The following SMYD3 variants were observed in gnomAD, a reference collection of about 807,000 sequenced individuals.
The protein encoded by SMYD3 is SET and MYND domain containing 3.
A neutral mutation model predicts 57.7 loss-of-function variants in SMYD3; 36 were observed. The observed-to-expected ratio is 0.62, with a 90% confidence interval of 0.48 to 0.82. The LOEUF is 0.82. Among genes scored for constraint, SMYD3 ranks in the 40% least tolerant of loss-of-function variants. SMYD3 has a pLI of 0.00. For missense variants in SMYD3, 515 were observed against 538.8 expected (o/e 0.96, Z 0.44); for synonymous variants, 211 against 195.0 (o/e 1.08, Z -0.68).
intron 5 of SMYD3, among the ~76,000 whole-genome samples, chr1:246,278,914 G>C (rs1348002284): frequency 5.3e-5 from 8 of 152,010 alleles, no homozygotes; most frequent in Admixed American, 5.2e-4. Flanking sequence ...CAGAACACAA[G>C]CGCTAGGCAG....
Position 246,370,780 on chromosome 1 carries a change from C to A in SMYD3, c.165-15686G>T, listed in dbSNP as rs530391852. 1.8e-4 allele frequency among the ~76,000 whole-genome samples: 28 copies of A among 152,340 alleles called. No homozygotes were observed. In the South Asian group the frequency reaches 5.8e-3, roughly 32 times the overall value. On this transcript the variant is annotated intron_variant, in intron 1 of 11. Coordinates refer to ENST00000490107, the MANE Select transcript of SMYD3 (RefSeq NM_001167740.2). ...CTACGTGTGTCACAAATGTCGTCATCTCCACACAGGTACACAGACCATTTA... is the reference window on the plus strand; with the variant it reads ...CTACGTGTGTCACAAATGTCGTCATATCCACACAGGTACACAGACCATTTA...
intron 5 of SMYD3, among the ~76,000 whole-genome samples, chr1:245,939,124 C>G (rs1304837712): frequency 6.7e-6 from 1 of 149,604 alleles, no homozygotes; most frequent in Non-Finnish European, 1.5e-5. Context: ...GCCTCGGCGA[C>G]AGAGCGAGAC....
At chr1:245,766,401 A>T (rs1050391919) in intron 10 of SMYD3, among the ~76,000 whole-genome samples, 1 of 32,024 alleles carries the variant, frequency 3.1e-5, no homozygotes, top group Non-Finnish European at 4.2e-5. Flanking sequence ...ACTCTGTCTT[A>T]AAAAAAAAAA....
intron 5 of SMYD3, among the ~76,000 whole-genome samples, chr1:246,149,117 G>C (rs2061902385): frequency 6.6e-6 from 1 of 152,212 alleles, no homozygotes; most frequent in African/African-American, 2.4e-5. Context: ...GGTCAGTAGA[G>C]ATGAAAAATA....
At chr1:246,033,821 A>C (rs987213124) in intron 5 of SMYD3, among the ~76,000 whole-genome samples, 1 of 152,062 alleles carries the variant, frequency 6.6e-6, no homozygotes, top group Non-Finnish European at 1.5e-5. Flanking sequence ...AAATAAATTA[A>C]AAATTTTTTT....
rs773707696 is a variant in SMYD3, at chr1:246,392,856, T to TA, written c.165-37763dup. The stretch of plus-strand genomic sequence containing the variant: ...AAAGAAACATTTCACTAAAAGAAGA[T>TA]ACACAAATAGTCAATAAGCATATAG... On this transcript the variant is annotated intron_variant, in intron 1 of 11. Coordinates refer to ENST00000490107, the MANE Select transcript of SMYD3 (RefSeq NM_001167740.2). Among the ~76,000 whole-genome samples the TA allele has an allele frequency of 1.5e-3, 227 of 146,854 alleles. 1 individual carries two copies. Among genetic ancestry groups the TA allele is most frequent in the Non-Finnish European group, 2.9e-3 (195 of 66,496 alleles).
At chr1:246,301,330 G>A (rs2064889021) in intron 5 of SMYD3, among the ~76,000 whole-genome samples, 1 of 152,098 alleles carries the variant, frequency 6.6e-6, no homozygotes, top group African/African-American at 2.4e-5. Flanking sequence ...TTCTCGTGCA[G>A]GAGCCAAGAC....
rs529219252 is a variant in SMYD3 at position 245,968,061 on chromosome 1, A to AT, written c.532-38125_532-38124insA. Among the ~76,000 whole-genome samples the AT allele has an allele frequency of 6.6e-5, 10 of 152,308 alleles. No homozygotes were observed. In the East Asian group the frequency reaches 1.9e-3, roughly 29 times the overall value. On this transcript the variant is annotated intron_variant, in intron 5 of 11. Coordinates refer to ENST00000490107, the MANE Select transcript of SMYD3 (RefSeq NM_001167740.2). The stretch of plus-strand genomic sequence containing the variant: ...TGGGAAAGTTACTGTTCCCTGAACG[A>AT]AATACATGAAAATCCAGATTTCTCT...
chr1:246,093,205 T>C (rs565608018), intron 5 of SMYD3, among the ~76,000 whole-genome samples: 4 of 152,328 alleles, frequency 2.6e-5, no homozygotes, highest in Admixed American at 6.5e-5. Flanking sequence ...GAAAACATTA[T>C]GAATGTTCAG....
chr1:245,955,875 G>C lies in SMYD3; in HGVS notation c.532-25938C>G, dbSNP rs563728313. On this transcript the variant is annotated intron_variant, in intron 5 of 11. Coordinates refer to ENST00000490107, the MANE Select transcript of SMYD3 (RefSeq NM_001167740.2). Reference sequence around the variant, plus strand: ...ATTGATGATTTTGCAATTTGTTTTGGGTTTTTTTTTTTTTTGGCTCAACAT... The same window carrying C: ...ATTGATGATTTTGCAATTTGTTTTGCGTTTTTTTTTTTTTTGGCTCAACAT... The C allele has an allele frequency of 8.1e-5, 68 of 844,474 alleles. No individual in the cohort carries two copies. In the East Asian group the frequency reaches 6.1e-3, roughly 76 times the overall value. 52.3% of individuals were successfully genotyped at this position (844,474 alleles called of 1,614,324 possible).
At chr1:246,372,663 G>A (rs924696124) in intron 1 of SMYD3, among the ~76,000 whole-genome samples, 5 of 152,162 alleles carry the variant, frequency 3.3e-5, no homozygotes, top group East Asian at 1.9e-4. Context: ...TTGAGGGCAG[G>A]GGTTAGAGAC....
intron 10 of SMYD3, among the ~76,000 whole-genome samples, chr1:245,765,962 C>T (rs1394130190): frequency 6.6e-6 from 1 of 152,176 alleles, no homozygotes. Context: ...TATCTGCAAA[C>T]CATTCCCTCT....
rs74857452 is a variant in SMYD3 at position 246,163,887 on chromosome 1, G to A, written c.531+163314C>T. On this transcript the variant is annotated intron_variant, in intron 5 of 11. Coordinates refer to ENST00000490107, the MANE Select transcript of SMYD3 (RefSeq NM_001167740.2). ...AACTGGCCAAATGTTAGAACCTTCCGCAGAGAAATAATGACAGAGGAAAGT... is the reference window on the plus strand; with the variant it reads ...AACTGGCCAAATGTTAGAACCTTCCACAGAGAAATAATGACAGAGGAAAGT... 1.6e-3 allele frequency among the ~76,000 whole-genome samples: 250 copies of A among 152,260 alleles called. 1 individual carries two copies. The highest frequency in any genetic ancestry group is 5.5e-3 in the African/African-American group (229 of 41,554).
chr1:246,298,226 T>TAAA (rs35477335), intron 5 of SMYD3, among the ~76,000 whole-genome samples: 14 of 150,530 alleles, frequency 9.3e-5, no homozygotes, highest in African/African-American at 3.2e-4. Context: ...CACACTGAGG[T>TAAA]AAAAAAATAA....
At chr1:246,245,123 T>TTTTTTTTTTTTTTTAG (rs1308924953) in intron 5 of SMYD3, among the ~76,000 whole-genome samples, 1 of 92,320 alleles carries the variant, frequency 1.1e-5, no homozygotes, top group Non-Finnish European at 2.2e-5. Context: ...CTACTGCCTT[T>TTTTTTTTTTTTTTTAG]TTTTTTTTTT....
chr1:246,313,532 G>C lies in SMYD3; in HGVS notation c.531+13669C>G, dbSNP rs557596940. 2.0e-5 allele frequency among the ~76,000 whole-genome samples: 3 copies of C among 152,266 alleles called. No homozygotes were observed. The East Asian group carries it at 5.8e-4, about 29-fold the overall frequency. Reference sequence around the variant, plus strand: ...CAGGTGATCCTAATTAAACAGCTCTGCATAAACAGTGTCTTGATAAATTTT... The same window carrying C: ...CAGGTGATCCTAATTAAACAGCTCTCCATAAACAGTGTCTTGATAAATTTT... On this transcript the variant is annotated intron_variant, in intron 5 of 11. Transcript: ENST00000490107.
intron 1 of SMYD3, among the ~76,000 whole-genome samples, chr1:246,375,541 A>T (rs2066262263): frequency 6.6e-6 from 1 of 152,088 alleles, no homozygotes; most frequent in African/African-American, 2.4e-5. Flanking sequence ...GTCAGTAAAC[A>T]GTACAGTGGT....
rs201572661 is a variant in SMYD3, at chr1:246,132,100, ATCGGCGAC to A, written c.531+195093_531+195100del. Among the ~76,000 whole-genome samples the A allele has an allele frequency of 5.8e-3, 884 of 152,290 alleles. 2 individuals carry two copies. Among genetic ancestry groups the A allele is most frequent in the Non-Finnish European group, 7.3e-3 (498 of 67,988 alleles). Reference sequence around the variant, plus strand: ...TGGGACAATTCTACTAAACATGCCCATCGGCGACTTGGCTGAGATCATAAAAGGCATGC... The same window carrying A: ...TGGGACAATTCTACTAAACATGCCCATTGGCTGAGATCATAAAAGGCATGC... On this transcript the variant is annotated intron_variant, in intron 5 of 11. Coordinates refer to ENST00000490107, the MANE Select transcript of SMYD3 (RefSeq NM_001167740.2).
At chr1:245,999,673 A>T (rs1428087189) in intron 5 of SMYD3, among the ~76,000 whole-genome samples, 1 of 152,350 alleles carries the variant, frequency 6.6e-6, no homozygotes, top group South Asian at 2.1e-4. Context: ...AAAGCAAGAG[A>T]GAGAGAAAGA....
Sources: gnomAD v4.1 joint callset for allele counts (sites outside exome capture counted in the v4.1 genomes callset) on GRCh38, gnomAD v4.1.1 for gene constraint, MANE v1.5 for transcripts, NCBI Gene and HGNC (gene_info 2026-07-23, HGNC 2026-07-21) for gene names.